Variants in PTPRN2 observed in about 807,000 individuals in gnomAD.
The protein encoded by PTPRN2 is receptor-type tyrosine-protein phosphatase N2.
Under a neutral mutation model 118.8 loss-of-function variants are expected in PTPRN2, and 74 were observed. The observed-to-expected ratio is 0.62, with a 90% confidence interval of 0.52 to 0.76. The LOEUF (loss-of-function observed/expected upper bound fraction) is 0.76, where lower values mean the gene tolerates loss of function less well. Among genes scored for constraint, PTPRN2 ranks in the 30% least tolerant of loss-of-function variants. The probability of loss-of-function intolerance (pLI) is 0.00; values close to 1 mark genes in which losing one functional copy is unlikely to be tolerated. For missense variants in PTPRN2, 1,481 were observed against 1,394.4 expected (o/e 1.06, Z -0.99); for synonymous variants, 641 against 608.0 (o/e 1.05, Z -0.80).
intron 21 of PTPRN2, among the ~76,000 whole-genome samples, chr7:157,565,041 A>G (rs1799414730): frequency 6.6e-6 from 1 of 152,268 alleles, no homozygotes; most frequent in African/African-American, 2.4e-5. Flanking sequence ...GCAAAGTGAC[A>G]TATAACAGTC....
chr7:158,073,271 G>A (rs763022983), intron 11 of PTPRN2, among the ~76,000 whole-genome samples: 7 of 152,216 alleles, frequency 4.6e-5, no homozygotes, highest in African/African-American at 1.2e-4. Context: ...GGCAGACATC[G>A]GCCTCCCCTC....
At position 158,507,986 on chromosome 7, in the gene PTPRN2, C is replaced by A. The variant is rs536272008; in HGVS notation, c.113-18201G>T. Among the ~76,000 whole-genome samples, 40 of 150,458 alleles carry A rather than the reference C, an allele frequency of 2.7e-4. 2 individuals are homozygous for A. Among genetic ancestry groups the A allele is most frequent in the African/African-American group, 8.4e-4 (34 of 40,590 alleles). On this transcript the variant is annotated intron_variant, in intron 1 of 22. Coordinates refer to ENST00000389418, the MANE Select transcript of PTPRN2 (RefSeq NM_002847.5). ...GTGAGGACCATCCGGGGAACAGCCC[C>A]GTGCTAGGCAGGAAATTGCATACAC...
At chr7:158,319,649 TCA>T (rs1199225726) in intron 2 of PTPRN2, among the ~76,000 whole-genome samples, 11 of 16,698 alleles carry the variant, frequency 6.6e-4, no homozygotes, top group East Asian at 3.3e-3. Context: ...ACAGCCTCCC[TCA>T]CACACACACA....
chr7:158,389,225 A>C lies in PTPRN2; in HGVS notation c.164-72293T>G, dbSNP rs111967419. Among the ~76,000 whole-genome samples the C allele has an allele frequency of 2.5e-3, 382 of 152,386 alleles. 1 individual carries two copies. Among genetic ancestry groups the C allele is most frequent in the African/African-American group, 8.7e-3 (360 of 41,594 alleles). On this transcript the variant is annotated intron_variant, in intron 2 of 22. Coordinates refer to ENST00000389418, the MANE Select transcript of PTPRN2 (RefSeq NM_002847.5). ...CACACTTCAGTGAGTGATTCCTCAC[A>C]GAATGAAACACGACACACCTGCTGT...
chr7:158,444,170 C>G (rs1817570687), intron 2 of PTPRN2, among the ~76,000 whole-genome samples: 1 of 152,248 alleles, frequency 6.6e-6, no homozygotes, highest in Non-Finnish European at 1.5e-5. Flanking sequence ...CAGCCCAGCA[C>G]CCCTCCGGCA....
At position 157,748,626 on chromosome 7, in the gene PTPRN2, G is replaced by A. The variant is rs185205106; in HGVS notation, c.1789-65689C>T. Among the ~76,000 whole-genome samples the A allele has an allele frequency of 3.7e-3, 555 of 149,050 alleles. 6 individuals are homozygous for A. The highest frequency in any genetic ancestry group is 1.0e-3 in the Non-Finnish European group (69 of 67,454). ...CGTCCCTGAGCTGTGGGCTGTTGAC[G>A]TGATTCTGATGCCTGCGTCCCTGAG... On this transcript the variant is annotated intron_variant, in intron 12 of 22. Coordinates refer to ENST00000389418, the MANE Select transcript of PTPRN2 (RefSeq NM_002847.5).
intron 11 of PTPRN2, among the ~76,000 whole-genome samples, chr7:157,951,965 C>A (rs1397859947): frequency 6.6e-6 from 1 of 152,200 alleles, no homozygotes; most frequent in East Asian, 1.9e-4. Flanking sequence ...GCTGATCCTG[C>A]TGCTCTGATG....
Position 158,544,716 on chromosome 7 carries a change from T to G in PTPRN2, c.112+42842A>C, listed in dbSNP as rs183441855. On this transcript the variant is annotated intron_variant, in intron 1 of 22. Coordinates refer to ENST00000389418, the MANE Select transcript of PTPRN2 (RefSeq NM_002847.5). This position sits in a 1 kb window ranked among gnomAD's most constrained non-coding sequence, Gnocchi z 4.2. ...TATCACTGTGTGAGTGTATTTTACG[T>G]GTGGTCCAAGATAATTCTTATTCCA... 2.6e-3 allele frequency among the ~76,000 whole-genome samples: 397 copies of G among 152,296 alleles called. 1 individual carries two copies. Among genetic ancestry groups the G allele is most frequent in the African/African-American group, 9.2e-3 (382 of 41,544 alleles).
chr7:157,748,643 GTCCCTGAGCTGTGGGCTGTTCA>G (rs1303899092), intron 12 of PTPRN2, among the ~76,000 whole-genome samples: 16 of 148,998 alleles, frequency 1.1e-4, no homozygotes, highest in East Asian at 4.0e-4. Context: ...TGATGCCTGC[GTCCCTGAGCTGTGGGCTGTTCA>G]GGTGATTGTG....
rs1467134789 is a variant in PTPRN2, at chr7:157,787,404, T to G, written c.1789-104467A>C. 1.3e-5 allele frequency among the ~76,000 whole-genome samples: 2 copies of G among 151,864 alleles called. No individual in the cohort carries two copies. Among genetic ancestry groups the G allele is most frequent in the Non-Finnish European group, 2.9e-5 (2 of 67,956 alleles). ...TGACATCTGAAGATGCCATAGAAAG[T>G]CTGGCGCAGCAGCCGGTGGGCCTGG... On this transcript the variant is annotated intron_variant, in intron 12 of 22. Transcript: ENST00000389418. The surrounding 1 kb of genome is among the most constrained non-coding windows in gnomAD (Gnocchi z 5.3).
Position 158,024,122 on chromosome 7 carries a change from G to C in PTPRN2, c.1723+57176C>G, listed in dbSNP as rs186107400. Among the ~76,000 whole-genome samples the C allele has an allele frequency of 5.5e-4, 84 of 152,272 alleles. No homozygotes were observed. In the Middle Eastern group the frequency reaches 0.01, roughly 18 times the overall value. ...CCAAACACACCCCAGCAAAGCTCTG[G>C]GGTAGTGTGAACATGCCCAGTGCAC... is the stretch of plus-strand genomic sequence containing the variant. On this transcript the variant is annotated intron_variant, in intron 11 of 22. Coordinates refer to ENST00000389418, the MANE Select transcript of PTPRN2 (RefSeq NM_002847.5).
Position 157,772,499 on chromosome 7 carries a change from G to A in PTPRN2, c.1789-89562C>T, listed in dbSNP as rs568588424. Reference sequence around the variant, plus strand: ...GCAGAGTCCTGCTCAGTGCTGCCCAGAGACCTGGGGCAGGAAGTGGAAAGA... The same window carrying A: ...GCAGAGTCCTGCTCAGTGCTGCCCAAAGACCTGGGGCAGGAAGTGGAAAGA... On this transcript the variant is annotated intron_variant, in intron 12 of 22. Coordinates refer to ENST00000389418, the MANE Select transcript of PTPRN2 (RefSeq NM_002847.5). Among the ~76,000 whole-genome samples, 141 of 152,346 alleles carry A rather than the reference G, an allele frequency of 9.3e-4. 1 individual carries two copies. Among genetic ancestry groups the A allele is most frequent in the South Asian group, 5.8e-3 (28 of 4,830 alleles).
At chr7:157,879,178 A>G (rs1045311466) in intron 12 of PTPRN2, among the ~76,000 whole-genome samples, 9 of 131,922 alleles carry the variant, frequency 6.8e-5, no homozygotes, top group African/African-American at 2.7e-4. Flanking sequence ...GTGCACCCAC[A>G]CTTACTCACC....
At chr7:158,183,632 A>G (rs1362304539) in intron 5 of PTPRN2, among the ~76,000 whole-genome samples, 4 of 152,048 alleles carry the variant, frequency 2.6e-5, no homozygotes, top group Non-Finnish European at 1.5e-5. Flanking sequence ...CTCCTACTTT[A>G]TATTCTCCAC....
At chr7:157,582,701 C>CCAT in intron 17 of PTPRN2, among the ~76,000 whole-genome samples, 1 of 152,062 alleles carries the variant, frequency 6.6e-6, no homozygotes, top group African/African-American at 2.4e-5. Flanking sequence ...TGGTGAAACA[C>CCAT]CATCTCTACT....
At position 158,237,755 on chromosome 7, in the gene PTPRN2, T is replaced by G. The variant is rs866965534; in HGVS notation, c.278-32482A>C. Among the ~76,000 whole-genome samples, 2 of 8,962 alleles carry G rather than the reference T, an allele frequency of 2.2e-4. 1 individual carries two copies. The highest frequency in any genetic ancestry group is 3.5e-4 in the Non-Finnish European group (2 of 5,764). 5.9% of individuals were successfully genotyped at this position (8,962 alleles called of 152,430 possible). On this transcript the variant is annotated intron_variant, in intron 3 of 22. Transcript: ENST00000389418. Reference sequence around the variant, plus strand: ...CAGGTGTGTAGGGGCAACCCACCCCTACACTCTGCCACTTCGCCGCCACCC... The same window carrying G: ...CAGGTGTGTAGGGGCAACCCACCCCGACACTCTGCCACTTCGCCGCCACCC...
rs1797570972 is a variant in PTPRN2 at position 157,903,224 on chromosome 7, C to T, written c.1724-4487G>A. On this transcript the variant is annotated intron_variant, in intron 11 of 22. Transcript: ENST00000389418. The surrounding 1 kb of genome is among the most constrained non-coding windows in gnomAD (Gnocchi z 4.2). The stretch of plus-strand genomic sequence containing the variant: ...GTGGGGACCAGACATCGGGTACTTA[C>T]AGCCATAGAGATGGGAACAACAGAC... Among the ~76,000 whole-genome samples the T allele has an allele frequency of 6.6e-6, 1 of 152,100 alleles. No individual in the cohort carries two copies. The highest frequency in any genetic ancestry group is 6.6e-5 in the Admixed American group (1 of 15,262).
At chr7:158,124,534 T>C (rs759818831) in intron 9 of PTPRN2, among the ~76,000 whole-genome samples, 21 of 152,252 alleles carry the variant, frequency 1.4e-4, no homozygotes, top group Non-Finnish European at 2.9e-4. Context: ...TAATAGGCCA[T>C]GGCCAATGGT....
chr7:157,915,385 T>C (rs1798336492), intron 11 of PTPRN2, among the ~76,000 whole-genome samples: 1 of 152,182 alleles, frequency 6.6e-6, no homozygotes, highest in Non-Finnish European at 1.5e-5. Flanking sequence ...GCAGTGGGAT[T>C]GTACATCCCT....
Sources: allele counts gnomAD v4.1 joint callset (sites outside exome capture counted in the v4.1 genomes callset), GRCh38; gene constraint gnomAD v4.1.1; non-coding constraint Gnocchi (gnomAD v3.1); transcripts MANE v1.5; gene names NCBI Gene and HGNC (gene_info 2026-07-23, HGNC 2026-07-21).